TRPM2: variants seen among roughly 807,000 people sequenced by gnomAD.
TRPM2 encodes transient receptor potential cation channel subfamily M member 2, also known as estrogen-responsive element-associated gene 1 protein.
In TRPM2, 161 loss-of-function variants were observed where a neutral mutation model predicts 174.0. That is an observed-to-expected ratio of 0.93 (90% CI 0.81 to 1.05). The LOEUF (loss-of-function observed/expected upper bound fraction) is 1.05, where lower values mean the gene tolerates loss of function less well. TRPM2 is among the 50% of genes least tolerant of loss of function. The pLI is 0.00. For missense variants in TRPM2, 2,057 were observed against 2,038.0 expected (o/e 1.01, Z -0.18); for synonymous variants, 954 against 861.3 (o/e 1.11, Z -1.88).
chr21:44,434,030 GT>G (rs2051132820), intron 27 of TRPM2, among the ~76,000 whole-genome samples: 6 of 150,762 alleles, frequency 4.0e-5, no homozygotes, highest in South Asian at 2.1e-4. Context: ...GCTAGAGGTG[GT>G]CAGCTGTCCT....
In TRPM2 at chr21:44,406,518, G is replaced by T. The variant is rs563453329; in HGVS notation, c.2791-76G>T. 8.7e-5 allele frequency: 129 copies of T among 1,490,128 alleles called. No homozygotes were observed. The African/African-American group carries it at 1.5e-3, about 18-fold the overall frequency. The allele number at this position is 1,490,128 out of a possible 1,614,324, so 92.3% of individuals were successfully genotyped here. A position where few individuals can be genotyped will look rare whatever the true frequency, so the allele number is the denominator to read the frequency against. On this transcript the variant is annotated intron_variant, in intron 18 of 31. Coordinates refer to ENST00000397928, the MANE Select transcript of TRPM2 (RefSeq NM_003307.4). ...TGTGAGTGGCAGTGCTGTCTCCACC[G>T]CTGCTGGGCCTGCCTCTGGGCCCAG...
At position 44,439,214 on chromosome 21, in the gene TRPM2, C is replaced by A. The variant is rs763437109; in HGVS notation, c.4269+46C>A. The A allele has an allele frequency of 3.8e-6, 6 of 1,559,358 alleles. No individual in the cohort carries two copies. The highest frequency in any genetic ancestry group is 5.3e-6 in the Non-Finnish European group (6 of 1,132,892). ...CTGTTCCACCTGTGTGTCCCCAGGG[C>A]TGCAGGACAAACACAGTGTGATACT... On this transcript the variant is annotated intron_variant, in intron 30 of 31. Coordinates refer to ENST00000397928, the MANE Select transcript of TRPM2 (RefSeq NM_003307.4). This position sits in a 1 kb window ranked among gnomAD's most constrained non-coding sequence, Gnocchi z 5.1.
At chr21:44,363,091 T>C (rs190053001) in intron 2 of TRPM2, among the ~76,000 whole-genome samples, 50 of 152,366 alleles carry the variant, frequency 3.3e-4, no homozygotes, top group Non-Finnish European at 3.2e-4. Flanking sequence ...AGTTTTTATT[T>C]GTTTTTAGTT....
At chr21:44,386,546 A>G (rs2049021867) in intron 9 of TRPM2, among the ~76,000 whole-genome samples, 1 of 152,228 alleles carries the variant, frequency 6.6e-6, no homozygotes, top group African/African-American at 2.4e-5. Context: ...AAGGGGGTGA[A>G]AGACTTGTAC....
At chr21:44,403,767 A>T (rs920452511) in intron 16 of TRPM2, among the ~76,000 whole-genome samples, 7 of 151,840 alleles carry the variant, frequency 4.6e-5, no homozygotes, top group Non-Finnish European at 1.0e-4. Context: ...ATGCATACAC[A>T]TATACATGCA....
chr21:44,403,798 CAGAT>C (rs1019457361), intron 16 of TRPM2, among the ~76,000 whole-genome samples: 10 of 150,690 alleles, frequency 6.6e-5, no homozygotes, highest in African/African-American at 1.5e-4. Flanking sequence ...CAAATATACA[CAGAT>C]AAACACATGT....
rs546922024 is a variant in TRPM2, at chr21:44,382,449, G to A, written c.1216-269G>A. ...CAGGAGGGCTAGGAGGAGCAGCCTC[G>A]CATGAAGCTGCACTATCGTCAGGGT... On this transcript the variant is annotated intron_variant, in intron 8 of 31. Coordinates refer to ENST00000397928, the MANE Select transcript of TRPM2 (RefSeq NM_003307.4). Among the ~76,000 whole-genome samples the A allele has an allele frequency of 1.4e-4, 22 of 152,288 alleles. No homozygotes were observed. The South Asian group carries it at 2.5e-3, about 17-fold the overall frequency.
chr21:44,401,227 A>G (rs557091900), intron 15 of TRPM2, among the ~76,000 whole-genome samples: 120 of 152,088 alleles, frequency 7.9e-4, no homozygotes, highest in Non-Finnish European at 1.5e-3. Context: ...AGGGCACACC[A>G]CAGGGGGAGT....
chr21:44,424,655 G>A (rs539720418), intron 23 of TRPM2, among the ~76,000 whole-genome samples, 197 bp from the exon 24 acceptor site: 2 of 152,320 alleles, frequency 1.3e-5, no homozygotes, highest in African/African-American at 2.4e-5. Context: ...GGGGGGAGCC[G>A]GGTGGGCCTG....
At chr21:44,400,109 G>C in intron 14 of TRPM2, 150 bp from the exon 15 acceptor site, 1 of 635,300 alleles carries the variant, frequency 1.6e-6, no homozygotes, top group Non-Finnish European at 2.7e-6. Context: ...CAAAGCCCCA[G>C]GGCAAGCTCT....
In TRPM2 at chr21:44,440,911, T is replaced by G. The variant is rs1046485366; in HGVS notation, c.4386+6T>G. ...AGCTGAACAGGCTGAACTCTGTATG[T>G]GCCTGGCCTCCCTGGAGGCGGGAGT... is the stretch of plus-strand genomic sequence containing the variant. On this transcript the variant is annotated splice_donor_region_variant and intron_variant, in intron 31 of 31. Transcript: ENST00000397928. The G allele has an allele frequency of 6.2e-7, 1 of 1,612,640 alleles. No homozygotes were observed. The highest frequency in any genetic ancestry group is 8.5e-7 in the Non-Finnish European group (1 of 1,179,264).
chr21:44,406,078 C>T (rs763042699), intron 18 of TRPM2, 41 bp downstream of exon 18: 1 of 1,596,316 alleles, frequency 6.3e-7, no homozygotes, highest in Non-Finnish European at 8.5e-7. Context: ...GGCCTGCAGC[C>T]CAGGGTGGGC....
chr21:44,435,531 C>T (rs1008349579), intron 28 of TRPM2, among the ~76,000 whole-genome samples: 6 of 151,226 alleles, frequency 4.0e-5, no homozygotes, highest in Admixed American at 3.3e-4. Context: ...CCCACACTCA[C>T]CCCTAAGTCT....
chr21:44,382,395 G>A (rs1162794621), intron 8 of TRPM2, among the ~76,000 whole-genome samples: 1 of 152,198 alleles, frequency 6.6e-6, no homozygotes, highest in African/African-American at 2.4e-5. Flanking sequence ...AGGCAGGTAG[G>A]CAGGTGGTGA....
rs45626833 is a variant in TRPM2 at position 44,390,682 on chromosome 21, G to A, written c.1319-222G>A. On this transcript the variant is annotated intron_variant, in intron 9 of 31. Transcript: ENST00000397928. ...GCAGGGGAAACAGGAGTGAGTGGAC[G>A]TGATGACCAAAGCCCCAAGATTCAC... Among the ~76,000 whole-genome samples the A allele has an allele frequency of 2.3e-3, 353 of 152,314 alleles. 6 individuals carry two copies. The highest frequency in any genetic ancestry group is 0.021 in the Admixed American group (325 of 15,292).
In TRPM2 at chr21:44,438,100, C is replaced by T. The variant is rs1168781077; in HGVS notation, c.4167+933C>T. Among the ~76,000 whole-genome samples the T allele has an allele frequency of 6.6e-6, 1 of 152,232 alleles. No homozygotes were observed. The highest frequency in any genetic ancestry group is 1.5e-5 in the Non-Finnish European group (1 of 68,046). ...TGCCACAAGGGCCTCTGGGCAGGAA[C>T]GGGGACTCCGGAGCCCAGGCCCAGC... On this transcript the variant is annotated intron_variant, in intron 29 of 31. Transcript: ENST00000397928. This position sits in a 1 kb window ranked among gnomAD's most constrained non-coding sequence, Gnocchi z 5.9.
At chr21:44,380,963 G>A (rs1276005624) in intron 8 of TRPM2, among the ~76,000 whole-genome samples, 2 of 152,214 alleles carry the variant, frequency 1.3e-5, no homozygotes, top group Non-Finnish European at 2.9e-5. Flanking sequence ...GGGCTCAGAC[G>A]CTGGGAGCTG....
Position 44,435,205 on chromosome 21 carries a change from C to G in TRPM2, c.4049C>G (p.Pro1350Arg), listed in dbSNP as rs762618433. 7 of 1,613,146 alleles carry G rather than the reference C, an allele frequency of 4.3e-6. No individual in the cohort carries two copies. The highest frequency in any genetic ancestry group is 5.9e-6 in the Non-Finnish European group (7 of 1,179,476). The change falls in exon 28 of 32, where the codon CCC becomes CGC. Residue 1350 changes from proline to arginine, a missense_variant. By Grantham distance (103) the Pro-to-Arg change is moderately radical. Coordinates refer to ENST00000397928, the MANE Select transcript of TRPM2 (RefSeq NM_003307.4). ...SCFGPNHTLY[P>R]MVTRWRRNED... ...TTCGGACCCAACCACACGCTGTACC[C>G]CATGGTCACGCGGTGAGTTCATGTG...
chr21:44,375,039 G>A (rs770611554), intron 5 of TRPM2, among the ~76,000 whole-genome samples: 3 of 152,238 alleles, frequency 2.0e-5, no homozygotes, highest in Non-Finnish European at 2.9e-5. Flanking sequence ...AGCCTCCCAA[G>A]TAGCTGGGAC....
Sources: allele counts gnomAD v4.1 joint callset (sites outside exome capture counted in the v4.1 genomes callset), GRCh38; gene constraint gnomAD v4.1.1; non-coding constraint Gnocchi (gnomAD v3.1); transcripts MANE v1.5; gene names NCBI Gene and HGNC (gene_info 2026-07-23, HGNC 2026-07-21).